CBFA2T2: variants seen among roughly 807,000 people sequenced by gnomAD.
CBFA2T2 encodes CBFA2/RUNX1 partner transcriptional co-repressor 2, also known as protein CBFA2T2.
In CBFA2T2, 11 loss-of-function variants were observed where a neutral mutation model predicts 62.2. That is an observed-to-expected ratio of 0.18 (90% CI 0.11 to 0.29). CBFA2T2 has a LOEUF of 0.29. Ranked by LOEUF, CBFA2T2 falls within the 10% of genes least tolerant of loss-of-function variation. The pLI, the probability that CBFA2T2 is intolerant of heterozygous loss-of-function variation, is 1.00. For synonymous variants in CBFA2T2, 295 were observed against 287.5 expected (o/e 1.03, Z -0.27); for missense variants, 592 against 774.1 (o/e 0.76, Z 2.79).
intron 1 of CBFA2T2, among the ~76,000 whole-genome samples, chr20:33,549,851 A>G (rs1026890928): frequency 1.4e-5 from 2 of 143,980 alleles, no homozygotes; most frequent in African/African-American, 5.1e-5. Context: ...TGTATAATAG[A>G]TGGCTGCTGC....
rs751836572 is a variant in CBFA2T2 at position 33,557,004 on chromosome 20, C to CTTTTTTTTTTTTTTTTTT, written c.35-49941_35-49924dup. ...CTTGCCCAAGGTGTTGCATGCTTATCTTTTTTTTTTTTTTTTTTTTTTTTT... is the reference window on the plus strand; with the variant it reads ...CTTGCCCAAGGTGTTGCATGCTTATCTTTTTTTTTTTTTTTTTTTTTTTTTTTTTTTTTTTTTTTTTTT... On this transcript the variant is annotated intron_variant, in intron 1 of 10. Coordinates refer to ENST00000342704, the MANE Select transcript of CBFA2T2 (RefSeq NM_001032999.3). Among the ~76,000 whole-genome samples, 10 of 46,200 alleles carry CTTTTTTTTTTTTTTTTTT rather than the reference C, an allele frequency of 2.2e-4. 2 individuals are homozygous for CTTTTTTTTTTTTTTTTTT. Among genetic ancestry groups the CTTTTTTTTTTTTTTTTTT allele is most frequent in the African/African-American group, 8.5e-4 (9 of 10,646 alleles). 30.3% of individuals were successfully genotyped at this position (46,200 alleles called of 152,430 possible).
At chr20:33,605,797 A>C (rs555811935) in intron 1 of CBFA2T2, among the ~76,000 whole-genome samples, 1 of 151,986 alleles carries the variant, frequency 6.6e-6, no homozygotes, top group South Asian at 2.1e-4. Flanking sequence ...ATGTATATAT[A>C]TAATTTAGTA....
At chr20:33,588,579 A>G (rs1218301377) in intron 1 of CBFA2T2, among the ~76,000 whole-genome samples, 2 of 152,168 alleles carry the variant, frequency 1.3e-5, no homozygotes, top group Non-Finnish European at 2.9e-5. Flanking sequence ...TTAAAGAACA[A>G]CACTATAATT....
chr20:33,550,257 A>G (rs775625603), intron 1 of CBFA2T2, among the ~76,000 whole-genome samples: 2 of 152,210 alleles, frequency 1.3e-5, no homozygotes, highest in Non-Finnish European at 2.9e-5. Context: ...TTAGCAAAGT[A>G]GTCTTGAAAT....
At chr20:33,573,129 T>C (rs1356313646) in intron 1 of CBFA2T2, among the ~76,000 whole-genome samples, 2 of 152,216 alleles carry the variant, frequency 1.3e-5, no homozygotes, top group Non-Finnish European at 2.9e-5. Context: ...TGCTAGGCAT[T>C]ATTCTAGGTA....
At chr20:33,587,899 C>G (rs1462567672) in intron 1 of CBFA2T2, among the ~76,000 whole-genome samples, 3 of 152,094 alleles carry the variant, frequency 2.0e-5, no homozygotes, top group Non-Finnish European at 4.4e-5. Context: ...CACATCTGGA[C>G]CATTTGTTTC....
At position 33,579,883 on chromosome 20, in the gene CBFA2T2, C is replaced by T. The variant is rs189796555; in HGVS notation, c.35-27073C>T. Reference sequence around the variant, plus strand: ...AGGCTGGAGTGCAATGGCACGGTCTCGGCTCACCGCAACCTCTGCCTCCCA... The same window carrying T: ...AGGCTGGAGTGCAATGGCACGGTCTTGGCTCACCGCAACCTCTGCCTCCCA... On this transcript the variant is annotated intron_variant, in intron 1 of 10. Transcript: ENST00000342704. 5.3e-5 allele frequency among the ~76,000 whole-genome samples: 8 copies of T among 151,054 alleles called. No individual in the cohort carries two copies. In the East Asian group the frequency reaches 1.2e-3, roughly 22 times the overall value.
chr20:33,530,952 C>T (rs1487209261), intron 1 of CBFA2T2, among the ~76,000 whole-genome samples: 1 of 151,938 alleles, frequency 6.6e-6, no homozygotes, highest in Non-Finnish European at 1.5e-5. Context: ...TGGTGGCAGG[C>T]GCCTGTAATC....
At chr20:33,491,079 TTATC>T (rs1298998351) in intron 1 of CBFA2T2, among the ~76,000 whole-genome samples, 3 of 152,314 alleles carry the variant, frequency 2.0e-5, no homozygotes, top group Admixed American at 6.5e-5. Context: ...ATTCCAGTAT[TTATC>T]TAGTGTTCCT....
At chr20:33,638,594 A>G (rs1173452439) in intron 9 of CBFA2T2, 2 of 152,208 alleles carry the variant, frequency 1.3e-5, no homozygotes, top group Admixed American at 1.3e-4. Context: ...GGCCAGAGCC[A>G]TAAGATGGAA....
At chr20:33,542,389 A>C (rs878880567) in intron 1 of CBFA2T2, among the ~76,000 whole-genome samples, 1 of 152,176 alleles carries the variant, frequency 6.6e-6, no homozygotes, top group Non-Finnish European at 1.5e-5. Context: ...TTGTGTTTAC[A>C]TGAACTTTTT....
intron 1 of CBFA2T2, among the ~76,000 whole-genome samples, chr20:33,503,357 C>G (rs1184908018): frequency 1.4e-5 from 2 of 147,402 alleles, no homozygotes; most frequent in African/African-American, 5.0e-5. Context: ...CGGGTTCAAG[C>G]GATTCTCCTG....
At chr20:33,518,220 T>G (rs1385206148) in intron 1 of CBFA2T2, among the ~76,000 whole-genome samples, 2 of 152,292 alleles carry the variant, frequency 1.3e-5, no homozygotes, top group Non-Finnish European at 2.9e-5. Flanking sequence ...GTGCTGGGAT[T>G]ACAGGCGTGA....
chr20:33,570,418 A>AT (rs1447915799), intron 1 of CBFA2T2, among the ~76,000 whole-genome samples: 1 of 152,236 alleles, frequency 6.6e-6, no homozygotes, highest in Non-Finnish European at 1.5e-5. Flanking sequence ...GAGTTGTAGT[A>AT]TTTGAAGAGT....
chr20:33,543,108 G>A (rs947722930), intron 1 of CBFA2T2, among the ~76,000 whole-genome samples: 3 of 152,100 alleles, frequency 2.0e-5, no homozygotes, highest in African/African-American at 7.2e-5. Flanking sequence ...CTGCCTCCCA[G>A]GTTCAAGCAG....
chr20:33,628,617 C>T (rs1292023833), intron 7 of CBFA2T2, among the ~76,000 whole-genome samples, 182 bp downstream of exon 7: 7 of 152,052 alleles, frequency 4.6e-5, no homozygotes, highest in South Asian at 4.1e-4. Flanking sequence ...TACAGGTGTA[C>T]GCCACCGTGC....
At chr20:33,574,314 T>G in intron 1 of CBFA2T2, 1 of 1,544,498 alleles carries the variant, frequency 6.5e-7, no homozygotes, top group Non-Finnish European at 8.9e-7. Context: ...AACAGAAATA[T>G]ACTCTTCCCT....
At chr20:33,497,652 C>T (rs192858207) in intron 1 of CBFA2T2, among the ~76,000 whole-genome samples, 2 of 150,426 alleles carry the variant, frequency 1.3e-5, no homozygotes, top group African/African-American at 2.5e-5. Flanking sequence ...CGGGTTCCAG[C>T]GATTCTCCTG....
In CBFA2T2 at chr20:33,494,255, A is replaced by G. The variant is rs1600893491; in HGVS notation, c.34+3954A>G. On this transcript the variant is annotated intron_variant, in intron 1 of 10. Transcript: ENST00000342704. ...GGCATATATATGTGTATATATATAT[A>G]TATATATATATATATATATTTTTTT... is the stretch of plus-strand genomic sequence containing the variant. Among the ~76,000 whole-genome samples the G allele has an allele frequency of 5.7e-5, 4 of 69,828 alleles. 1 individual carries two copies. Among genetic ancestry groups the G allele is most frequent in the Admixed American group, 4.2e-4 (2 of 4,780 alleles). The allele number at this position is 69,828 out of a possible 152,430, so 45.8% of individuals were successfully genotyped here.
Sources: allele counts gnomAD v4.1 joint callset (sites outside exome capture counted in the v4.1 genomes callset), GRCh38; gene constraint gnomAD v4.1.1; transcripts MANE v1.5; gene names NCBI Gene and HGNC (gene_info 2026-07-23, HGNC 2026-07-21).